MTX2: variants seen among roughly 807,000 people sequenced by gnomAD.
MTX2 encodes metaxin-2.
Under a neutral mutation model 42.3 loss-of-function variants are expected in MTX2, and 35 were observed. The ratio of observed to expected loss-of-function variants is 0.83; its 90% CI spans 0.63 to 1.10. The LOEUF (loss-of-function observed/expected upper bound fraction) is 1.10. Ranked by LOEUF, MTX2 falls within the 50% of genes least tolerant of loss-of-function variation. The pLI, the probability that MTX2 is intolerant of heterozygous loss-of-function variation, is 0.00. For missense variants in MTX2, 307 were observed against 304.1 expected (o/e 1.01, Z -0.07); for synonymous variants, 119 against 100.9 (o/e 1.18, Z -1.08).
chr2:176,321,560 C>T (rs961637871), intron 3 of MTX2, among the ~76,000 whole-genome samples: 2 of 152,114 alleles, frequency 1.3e-5, no homozygotes, highest in African/African-American at 4.8e-5. Context: ...AGAACCTGGG[C>T]CCCTTTACTC....
intron 1 of MTX2, among the ~76,000 whole-genome samples, chr2:176,279,214 T>C (rs1272254400): frequency 2.0e-5 from 3 of 152,190 alleles, no homozygotes; most frequent in Non-Finnish European, 4.4e-5. Flanking sequence ...AAATAGACTT[T>C]TGATGTGTAT....
At chr2:176,298,850 T>G (rs1371622317) in intron 3 of MTX2, among the ~76,000 whole-genome samples, 1 of 152,158 alleles carries the variant, frequency 6.6e-6, no homozygotes, top group Non-Finnish European at 1.5e-5. Flanking sequence ...TTAAAATTGC[T>G]ATTTTGGGGA....
intron 4 of MTX2, among the ~76,000 whole-genome samples, chr2:176,326,089 T>A (rs1032071951): frequency 2.0e-5 from 3 of 151,822 alleles, no homozygotes; most frequent in African/African-American, 4.8e-5. Context: ...CCCTTCTTGC[T>A]ATTTGGAGAT....
intron 1 of MTX2, among the ~76,000 whole-genome samples, chr2:176,273,962 T>C (rs1278815649): frequency 6.6e-6 from 1 of 152,106 alleles, no homozygotes; most frequent in African/African-American, 2.4e-5. Context: ...GGTTTCTCAT[T>C]GTCAGTAGGA....
intron 3 of MTX2, among the ~76,000 whole-genome samples, chr2:176,302,933 T>A (rs959653304): frequency 3.9e-5 from 6 of 152,182 alleles, no homozygotes; most frequent in African/African-American, 1.4e-4. Flanking sequence ...GGAATATCTG[T>A]CTTTCTTTTG....
chr2:176,288,350 T>C (rs1182797641), intron 1 of MTX2, among the ~76,000 whole-genome samples: 1 of 152,050 alleles, frequency 6.6e-6, no homozygotes, highest in Admixed American at 6.6e-5. Context: ...ATCACTGATA[T>C]CATTAGTATA....
intron 1 of MTX2, among the ~76,000 whole-genome samples, chr2:176,295,764 T>C (rs1057064757): frequency 2.6e-5 from 4 of 152,192 alleles, no homozygotes; most frequent in African/African-American, 9.6e-5. Flanking sequence ...TTTAGAACAT[T>C]TTAAATGATC....
intron 3 of MTX2, among the ~76,000 whole-genome samples, chr2:176,317,739 A>C (rs746834295): frequency 4.6e-5 from 7 of 152,044 alleles, no homozygotes; most frequent in Non-Finnish European, 8.8e-5. Flanking sequence ...ATGTATACTT[A>C]CCCTTAACTT....
chr2:176,336,527 TA>T (rs1684991472), intron 9 of MTX2, among the ~76,000 whole-genome samples: 1 of 152,186 alleles, frequency 6.6e-6, no homozygotes, highest in Non-Finnish European at 1.5e-5. Flanking sequence ...TTGTATTTAT[TA>T]AAACAACTTT....
At chr2:176,316,094 A>G (rs1031221436) in intron 3 of MTX2, among the ~76,000 whole-genome samples, 1 of 152,164 alleles carries the variant, frequency 6.6e-6, no homozygotes, top group Non-Finnish European at 1.5e-5. Flanking sequence ...GGTGCTCAGT[A>G]TATACATGTT....
intron 1 of MTX2, among the ~76,000 whole-genome samples, chr2:176,290,184 G>A (rs1466633445): frequency 6.6e-6 from 1 of 152,022 alleles, no homozygotes; most frequent in Non-Finnish European, 1.5e-5. Flanking sequence ...GAACTTAAGG[G>A]GAACAATTTG....
intron 3 of MTX2, among the ~76,000 whole-genome samples, chr2:176,304,847 C>G (rs1277226507): frequency 6.6e-6 from 1 of 152,012 alleles, no homozygotes; most frequent in Non-Finnish European, 1.5e-5. Flanking sequence ...GGTCTGCTGT[C>G]TAAGGATAGC....
intron 6 of MTX2, 97 bp from the exon 7 acceptor site, chr2:176,328,777 A>C (rs779339204): frequency 7.0e-6 from 8 of 1,140,842 alleles, no homozygotes; most frequent in Non-Finnish European, 1.0e-5. Context: ...TGACTTATGA[A>C]ATTAGCTTAT....
In MTX2 at chr2:176,316,334, T is replaced by C. The variant is rs145002017; in HGVS notation, c.136-7058T>C. 3.2e-3 allele frequency among the ~76,000 whole-genome samples: 484 copies of C among 152,330 alleles called. 5 individuals carry two copies. The East Asian group carries it at 0.035, about 11-fold the overall frequency. On this transcript the variant is annotated intron_variant, in intron 3 of 9. Transcript: ENST00000249442. ...GAGATTCCAGAGGAGAAATGTCTTT[T>C]GGAATTTAGTGTAAGAAATCCAGTT...
In MTX2 at chr2:176,269,578, A is replaced by G. The variant is rs1692742888; in HGVS notation, c.-52A>G. 6.5e-7 allele frequency: 1 copy of G among 1,540,882 alleles called. No homozygotes were observed. Among genetic ancestry groups the G allele is most frequent in the Non-Finnish European group, 8.7e-7 (1 of 1,147,314 alleles). On this transcript the variant is annotated 5_prime_UTR_variant, in exon 1 of 10. Transcript: ENST00000249442. Reference sequence around the variant, plus strand: ...AGAGCCTCCGGGTTTGCGGTGGAGGACGCTGAGGCCCGTGGGGGGCAGGCA... The same window carrying G: ...AGAGCCTCCGGGTTTGCGGTGGAGGGCGCTGAGGCCCGTGGGGGGCAGGCA...
intron 5 of MTX2, 82 bp downstream of exon 5, chr2:176,326,983 T>A: frequency 1.3e-6 from 1 of 768,482 alleles, no homozygotes; most frequent in South Asian, 2.6e-5. Context: ...TTACATTGAT[T>A]TCAACCTAGT....
intron 1 of MTX2, among the ~76,000 whole-genome samples, chr2:176,272,100 T>C (rs983494188): frequency 2.0e-5 from 3 of 152,184 alleles, no homozygotes; most frequent in African/African-American, 7.2e-5. Context: ...TGTGATAAAA[T>C]GGATGGATCT....
intron 8 of MTX2, 73 bp downstream of exon 8, chr2:176,329,499 C>T: frequency 7.4e-7 from 1 of 1,347,174 alleles, no homozygotes; most frequent in Middle Eastern, 1.9e-4. Context: ...TATTGATACT[C>T]CTTTAAAAAA....
At chr2:176,307,123 T>C (rs993576555) in intron 3 of MTX2, among the ~76,000 whole-genome samples, 11 of 152,220 alleles carry the variant, frequency 7.2e-5, no homozygotes, top group African/African-American at 2.7e-4. Context: ...GCTTTCTACA[T>C]ATGGCTAGCC....
Sources: gnomAD v4.1 joint callset for allele counts (sites outside exome capture counted in the v4.1 genomes callset) on GRCh38, gnomAD v4.1.1 for gene constraint, MANE v1.5 for transcripts, NCBI Gene and HGNC (gene_info 2026-07-23, HGNC 2026-07-21) for gene names.